UNC5C: variants seen among roughly 807,000 people sequenced by gnomAD.
UNC5C encodes unc-5 netrin receptor C.
In UNC5C, 47 loss-of-function variants were observed where a neutral mutation model predicts 99.8. The observed-to-expected ratio is 0.47, with a 90% CI of 0.37 to 0.60. UNC5C has a LOEUF of 0.60. UNC5C is among the 20% of genes least tolerant of loss of function. The pLI is 0.00. For missense variants in UNC5C, 1,062 were observed against 1,165.9 expected (o/e 0.91, Z 1.30); for synonymous variants, 487 against 452.2 (o/e 1.08, Z -0.98).
At chr4:95,469,823 G>A (rs912812196) in intron 1 of UNC5C, among the ~76,000 whole-genome samples, 1 of 152,228 alleles carries the variant, frequency 6.6e-6, no homozygotes, top group Admixed American at 6.5e-5. Flanking sequence ...GGAACCCAGA[G>A]ACATCACTTT....
chr4:95,294,767 A>G (rs1272134485), intron 3 of UNC5C, among the ~76,000 whole-genome samples: 3 of 152,380 alleles, frequency 2.0e-5, no homozygotes, highest in South Asian at 4.1e-4. Flanking sequence ...ATAAACATAT[A>G]AAGTTGTTTA....
Position 95,195,088 on chromosome 4 carries a change from C to G in UNC5C, c.2136+7643G>C, listed in dbSNP as rs531704166. Among the ~76,000 whole-genome samples the G allele has an allele frequency of 5.9e-5, 9 of 152,326 alleles. No individual in the cohort carries two copies. The East Asian group carries it at 1.7e-3, about 29-fold the overall frequency. ...AATATCTTCCTTAAGCCATTATCTT[C>G]AAAATGCCACTGAAGTCTAAATGCC... On this transcript the variant is annotated intron_variant, in intron 12 of 15. Transcript: ENST00000453304.
At chr4:95,365,404 T>C (rs1023617527) in intron 1 of UNC5C, among the ~76,000 whole-genome samples, 3 of 147,614 alleles carry the variant, frequency 2.0e-5, no homozygotes, top group Non-Finnish European at 4.5e-5. Context: ...ATATAATATA[T>C]ATTTTATTTT....
intron 1 of UNC5C, among the ~76,000 whole-genome samples, chr4:95,470,345 AG>A (rs979355103): frequency 6.6e-6 from 1 of 152,176 alleles, no homozygotes; most frequent in Non-Finnish European, 1.5e-5. Flanking sequence ...ATGTTGTTCA[AG>A]GGTCAAATGT....
intron 1 of UNC5C, among the ~76,000 whole-genome samples, chr4:95,538,074 A>G (rs1560498704): frequency 6.6e-6 from 1 of 152,196 alleles, no homozygotes; most frequent in Non-Finnish European, 1.5e-5. Flanking sequence ...TTCTTGTTAT[A>G]TAGACTGTTA....
intron 9 of UNC5C, among the ~76,000 whole-genome samples, chr4:95,218,339 T>G (rs2149367269): frequency 6.6e-6 from 1 of 152,308 alleles, no homozygotes; most frequent in East Asian, 1.9e-4. Flanking sequence ...TTTATGAGGC[T>G]TATTGTCTAG....
At chr4:95,184,416 C>T (rs574245037) in intron 13 of UNC5C, among the ~76,000 whole-genome samples, 90 of 152,220 alleles carry the variant, frequency 5.9e-4, no homozygotes, top group Non-Finnish European at 1.2e-3. Context: ...TATGTCTGCC[C>T]CTCCTAGGAT....
intron 1 of UNC5C, among the ~76,000 whole-genome samples, chr4:95,368,981 A>C (rs1056171295): frequency 6.6e-6 from 1 of 151,850 alleles, no homozygotes; most frequent in Non-Finnish European, 1.5e-5. Flanking sequence ...GCAGTGGCAC[A>C]ATTACAGCTC....
At chr4:95,488,635 C>T (rs1230699180) in intron 1 of UNC5C, among the ~76,000 whole-genome samples, 3 of 151,710 alleles carry the variant, frequency 2.0e-5, no homozygotes, top group African/African-American at 7.3e-5. Flanking sequence ...CCATTAACAA[C>T]AGGAACTCGT....
intron 1 of UNC5C, among the ~76,000 whole-genome samples, chr4:95,531,408 C>T (rs556515968): frequency 1.5e-4 from 23 of 152,266 alleles, no homozygotes; most frequent in African/African-American, 5.3e-4. Context: ...CAGCTCTCTG[C>T]GGTAATTATG....
intron 1 of UNC5C, among the ~76,000 whole-genome samples, chr4:95,444,364 TC>T (rs1747033553): frequency 6.7e-6 from 1 of 148,288 alleles, no homozygotes; most frequent in Non-Finnish European, 1.5e-5. Context: ...GGAGTCTCGC[TC>T]TGTCGCCCAG....
At chr4:95,269,331 C>T (rs542225099) in intron 4 of UNC5C, among the ~76,000 whole-genome samples, 327 of 152,256 alleles carry the variant, frequency 2.1e-3, no homozygotes, top group Middle Eastern at 3.4e-3. Context: ...CTCTGTTACC[C>T]CAGCTGGAGT....
At chr4:95,290,395 C>G (rs1173730806) in intron 3 of UNC5C, among the ~76,000 whole-genome samples, 1 of 150,414 alleles carries the variant, frequency 6.6e-6, no homozygotes, top group African/African-American at 2.4e-5. Flanking sequence ...AACAATAAAA[C>G]AAACAAAAAT....
intron 1 of UNC5C, among the ~76,000 whole-genome samples, chr4:95,427,406 T>A (rs1008045162): frequency 6.6e-6 from 1 of 152,226 alleles, no homozygotes; most frequent in African/African-American, 2.4e-5. Flanking sequence ...TGAAACTGCA[T>A]TGTATGCTAT....
chr4:95,464,480 C>T (rs1438297279), intron 1 of UNC5C, among the ~76,000 whole-genome samples: 1 of 152,026 alleles, frequency 6.6e-6, no homozygotes, highest in Non-Finnish European at 1.5e-5. Context: ...ATACGAAAGG[C>T]TTTTTTTAAG....
chr4:95,300,945 T>C (rs1741845379), intron 3 of UNC5C, among the ~76,000 whole-genome samples: 1 of 151,808 alleles, frequency 6.6e-6, no homozygotes, highest in Non-Finnish European at 1.5e-5. Flanking sequence ...ACTAAAAGAG[T>C]ATAACTGAAT....
At chr4:95,277,672 T>C (rs907685545) in intron 4 of UNC5C, among the ~76,000 whole-genome samples, 1 of 152,310 alleles carries the variant, frequency 6.6e-6, no homozygotes, top group Admixed American at 6.5e-5. Context: ...AATACTTCAT[T>C]AGCAACCAAT....
chr4:95,170,460 A>C, intron 14 of UNC5C, 128 bp from the exon 15 acceptor site: 1 of 1,145,204 alleles, frequency 8.7e-7, no homozygotes, highest in East Asian at 2.5e-5. Context: ...TCTTCTTAGG[A>C]AGAATGGCTT....
chr4:95,233,014 C>T (rs1349264694), intron 7 of UNC5C, among the ~76,000 whole-genome samples: 2 of 152,140 alleles, frequency 1.3e-5, no homozygotes, highest in African/African-American at 2.4e-5. Flanking sequence ...CTACCACAGG[C>T]GGTTATAAAC....
Sources: gnomAD v4.1 joint callset for allele counts (sites outside exome capture counted in the v4.1 genomes callset) on GRCh38, gnomAD v4.1.1 for gene constraint, MANE v1.5 for transcripts, NCBI Gene and HGNC (gene_info 2026-07-23, HGNC 2026-07-21) for gene names.